The following LCP2 variants were observed in gnomAD, a reference collection of about 807,000 sequenced individuals.
LCP2 encodes the protein lymphocyte cytosolic protein 2.
In LCP2, 29 loss-of-function variants were observed where a neutral mutation model predicts 74.5. That is an observed-to-expected ratio of 0.39 (90% CI 0.29 to 0.53). LCP2 has a LOEUF of 0.53. Among genes scored for constraint, LCP2 ranks in the 20% least tolerant of loss-of-function variants. LCP2 has a pLI of 0.72. For synonymous variants in LCP2, 228 were observed against 229.5 expected (o/e 0.99, Z 0.06); for missense variants, 604 against 634.6 (o/e 0.95, Z 0.52).
At chr5:170,272,474 A>T in intron 6 of LCP2, among the ~76,000 whole-genome samples, 1 of 152,178 alleles carries the variant, frequency 6.6e-6, no homozygotes, top group Non-Finnish European at 1.5e-5. Context: ...TGTATTAAAG[A>T]AAAACAGAAC....
At chr5:170,288,123 G>C in intron 2 of LCP2, 107 bp from the exon 3 acceptor site, 1 of 1,172,674 alleles carries the variant, frequency 8.5e-7, no homozygotes, top group Non-Finnish European at 1.3e-6. Flanking sequence ...TGGGGACTGT[G>C]GCAAACAGAG....
rs1054462662 is a variant in LCP2 at position 170,256,945 on chromosome 5, C to T, written c.1101-370G>A. On this transcript the variant is annotated intron_variant, in intron 16 of 20. Transcript: ENST00000046794. This position sits in a 1 kb window ranked among gnomAD's most constrained non-coding sequence, Gnocchi z 4.5. The stretch of plus-strand genomic sequence containing the variant: ...TTTGCTAGGAAATTATATTAATGGG[C>T]TTGTCTTTGGTGAGCAGTGAATCCC... Among the ~76,000 whole-genome samples, 3 of 152,138 alleles carry T rather than the reference C, an allele frequency of 2.0e-5. No individual in the cohort carries two copies. Among genetic ancestry groups the T allele is most frequent in the African/African-American group, 7.2e-5 (3 of 41,406 alleles).
intron 10 of LCP2, 107 bp from the exon 11 acceptor site, chr5:170,263,099 ATGGG>A: frequency 7.5e-7 from 1 of 1,325,450 alleles, no homozygotes; most frequent in Non-Finnish European, 1.1e-6. Flanking sequence ...TTGGGGGTTG[ATGGG>A]GTTTAAGCAT....
chr5:170,277,743 C>CAAAA (rs371915364), intron 3 of LCP2, among the ~76,000 whole-genome samples: 30 of 117,594 alleles, frequency 2.6e-4, no homozygotes, highest in East Asian at 7.0e-4. Flanking sequence ...AACTTCGTCT[C>CAAAA]AAAAAAAAAA....
intron 2 of LCP2, among the ~76,000 whole-genome samples, chr5:170,291,123 G>GA (rs1762287767): frequency 8.4e-6 from 1 of 119,326 alleles, no homozygotes; most frequent in African/African-American, 3.0e-5. Flanking sequence ...AAAGAGGGAA[G>GA]GGGAGAGGGG....
chr5:170,290,346 G>A (rs1233437659), intron 2 of LCP2, among the ~76,000 whole-genome samples: 1 of 152,132 alleles, frequency 6.6e-6, no homozygotes, highest in Non-Finnish European at 1.5e-5. Context: ...TTTTCCTACT[G>A]ACAGGTCCTG....
chr5:170,295,492 G>A lies in LCP2; in HGVS notation c.78+2042C>T, dbSNP rs566488286. ...GATGAGGAAGTTGAGGCACAGAGAG[G>A]CAAAGCAACTACAGGAAAGTCGCCA... On this transcript the variant is annotated intron_variant, in intron 1 of 20. Coordinates refer to ENST00000046794, the MANE Select transcript of LCP2 (RefSeq NM_005565.5). 1.0e-3 allele frequency among the ~76,000 whole-genome samples: 155 copies of A among 152,290 alleles called. 2 individuals carry two copies. The highest frequency in any genetic ancestry group is 3.6e-3 in the African/African-American group (148 of 41,562).
intron 2 of LCP2, among the ~76,000 whole-genome samples, chr5:170,291,597 G>A (rs1290777700): frequency 6.6e-6 from 1 of 152,188 alleles, no homozygotes. Flanking sequence ...AAACAACCCT[G>A]TTCTACCAGG....
chr5:170,258,877 T>G lies in LCP2; in HGVS notation c.959A>C (p.Asp320Ala), dbSNP rs1438861518. 5 of 1,583,102 alleles carry G rather than the reference T, an allele frequency of 3.2e-6. No individual in the cohort carries two copies. The highest frequency in any genetic ancestry group is 4.3e-6 in the Non-Finnish European group (5 of 1,158,730). ...HGWGPDRREN[D>A]EDDVHQRPLP... ...GTTTCCGAACATACCATCATCTTCA[T>G]CCTGGGAAGGGGAAGAAAAAAAAAG... Residue 320 changes from aspartate to alanine, a missense_variant and splice_region_variant, in exon 15 of 21, where the codon GAT becomes GCT. Physicochemically the swap from Asp to Ala is moderately radical, Grantham distance 126. Transcript: ENST00000046794.
chr5:170,275,440 C>T, intron 4 of LCP2, 89 bp from the exon 5 acceptor site: 2 of 1,428,864 alleles, frequency 1.4e-6, no homozygotes, highest in Non-Finnish European at 2.0e-6. Flanking sequence ...AGAGGGAGTC[C>T]CCAGTGGAGG....
chr5:170,250,252 C>T (rs1027198762), intron 20 of LCP2, among the ~76,000 whole-genome samples: 1 of 152,200 alleles, frequency 6.6e-6, no homozygotes, highest in African/African-American at 2.4e-5. Flanking sequence ...CTTGGCCTAA[C>T]AGAGAATTTC....
In LCP2 at chr5:170,246,517, C is replaced by T. The variant is rs969895914; in HGVS notation, c.*2180G>A. The T allele has an allele frequency of 1.3e-5, 2 of 159,018 alleles. No homozygotes were observed. Among genetic ancestry groups the T allele is most frequent in the African/African-American group, 4.8e-5 (2 of 41,472 alleles). 9.9% of individuals were successfully genotyped at this position (159,018 alleles called of 1,614,324 possible). A position where few individuals can be genotyped will look rare whatever the true frequency, so the allele number is the denominator to read the frequency against. On this transcript the variant is annotated 3_prime_UTR_variant, in exon 21 of 21. Transcript: ENST00000046794. ...CATAGTTGGAATAGATTTCAGGGAT[C>T]CCACTAATTTGTCCATACTTTTACT...
intron 1 of LCP2, among the ~76,000 whole-genome samples, chr5:170,294,492 A>T (rs1302059632): frequency 6.6e-6 from 1 of 152,206 alleles, no homozygotes; most frequent in Admixed American, 6.5e-5. Context: ...GGGGTGGAGC[A>T]TTTGAGGTTA....
chr5:170,295,592 C>T (rs1255138363), intron 1 of LCP2, among the ~76,000 whole-genome samples: 2 of 152,184 alleles, frequency 1.3e-5, no homozygotes, highest in African/African-American at 4.8e-5. Flanking sequence ...CCAAGGGAGG[C>T]CTGACCCCAC....
At chr5:170,289,322 T>C (rs965747070) in intron 2 of LCP2, among the ~76,000 whole-genome samples, 2 of 152,108 alleles carry the variant, frequency 1.3e-5, no homozygotes, top group Non-Finnish European at 2.9e-5. Context: ...GAGTTTAGTG[T>C]TTTTGCTTCT....
chr5:170,256,624 G>T lies in LCP2; in HGVS notation c.1101-49C>A. 1 of 1,345,894 alleles carries T rather than the reference G, an allele frequency of 7.4e-7. No homozygotes were observed. Among genetic ancestry groups the T allele is most frequent in the Non-Finnish European group, 1.1e-6 (1 of 936,058 alleles). The allele number at this position is 1,345,894 out of a possible 1,614,324, so 83.4% of individuals were successfully genotyped here. A position where few individuals can be genotyped will look rare whatever the true frequency, so the allele number is the denominator to read the frequency against. On this transcript the variant is annotated intron_variant, in intron 16 of 20. Coordinates refer to ENST00000046794, the MANE Select transcript of LCP2 (RefSeq NM_005565.5). The surrounding 1 kb of genome is among the most constrained non-coding windows in gnomAD (Gnocchi z 4.5). The stretch of plus-strand genomic sequence containing the variant: ...AATTTATTTGGATTGGGGTGATGGG[G>T]CCAGACAGGGGAGCTGGGTTAGGGA...
At position 170,253,213 on chromosome 5, in the gene LCP2, C is replaced by G; in HGVS notation, c.1151G>C (p.Gly384Ala). 1.3e-6 allele frequency: 2 copies of G among 1,591,042 alleles called. No homozygotes were observed. Among genetic ancestry groups the G allele is most frequent in the Non-Finnish European group, 1.7e-6 (2 of 1,165,266 alleles). ...TCTGATAGGTGGTCTGTTGCTAGGG[C>G]CTTCAAAAGTATAGAATTCTGACAG... ...SASLPPYFSQ[G>A]PSNRPPIRAE... The change falls in exon 18 of 21, where the codon GGC (glycine) becomes GCC (alanine). Residue 384 changes from glycine (G) to alanine (A), a missense_variant and splice_region_variant. Physicochemically the swap from Gly to Ala is moderately conservative, Grantham distance 60. Transcript: ENST00000046794.
intron 12 of LCP2, 44 bp from the exon 13 acceptor site, chr5:170,262,786 G>A (rs765274482): frequency 1.9e-5 from 31 of 1,612,800 alleles, no homozygotes; most frequent in African/African-American, 1.1e-4. Context: ...AAACTTTGCC[G>A]AGGCAGAGTT....
At chr5:170,296,604 G>A (rs147341236) in intron 1 of LCP2, among the ~76,000 whole-genome samples, 1 of 152,314 alleles carries the variant, frequency 6.6e-6, no homozygotes, top group Non-Finnish European at 1.5e-5. Flanking sequence ...GAGGGTGTTA[G>A]AAGCTTAACC....
Sources: allele counts gnomAD v4.1 joint callset (sites outside exome capture counted in the v4.1 genomes callset), GRCh38; gene constraint gnomAD v4.1.1; non-coding constraint Gnocchi (gnomAD v3.1); transcripts MANE v1.5; gene names NCBI Gene and HGNC (gene_info 2026-07-23, HGNC 2026-07-21).